Variants in TENM1 observed in about 807,000 individuals in gnomAD.
The protein encoded by TENM1 is teneurin-1.
A neutral mutation model predicts 174.8 loss-of-function variants in TENM1; 35 were observed. That is an observed-to-expected ratio of 0.20 (90% confidence interval 0.15 to 0.27). TENM1 has a LOEUF of 0.27. TENM1 is among the 10% of genes least tolerant of loss of function. The pLI, the probability that TENM1 is intolerant of heterozygous loss-of-function variation, is 1.00. For missense variants in TENM1, 1,633 were observed against 2,130.1 expected (o/e 0.77, Z 4.59); for synonymous variants, 781 against 798.7 (o/e 0.98, Z 0.37).
At chrX:124,652,707 C>T (rs1295558793) in intron 7 of TENM1, among the ~76,000 whole-genome samples, 3 of 111,582 alleles carry the variant, frequency 2.7e-5, no homozygotes, top group African/African-American at 9.8e-5. Context: ...AATTTGAGAA[C>T]ATTCATCATA....
intron 1 of TENM1, among the ~76,000 whole-genome samples, chrX:124,924,485 T>C (rs1183391380): frequency 9.0e-6 from 1 of 111,589 alleles, no homozygotes; most frequent in African/African-American, 3.3e-5. Context: ...CAAGGCTCTC[T>C]ACCACAGAGC....
the TENM1 span, among the ~76,000 whole-genome samples, chrX:125,157,692 TC>T: frequency 8.9e-6 from 1 of 112,143 alleles, no homozygotes; most frequent in Non-Finnish European, 1.9e-5. Context: ...TAGAATGCAT[TC>T]CTAAAGTGAA....
intron 3 of TENM1, among the ~76,000 whole-genome samples, chrX:124,782,012 C>T (rs193276222): frequency 1.8e-5 from 2 of 110,911 alleles, no homozygotes; most frequent in Non-Finnish European, 3.8e-5. Flanking sequence ...GTACCATTTC[C>T]AGGTCTGGTC....
chrX:125,075,300 T>C, the TENM1 span, among the ~76,000 whole-genome samples: 1 of 112,120 alleles, frequency 8.9e-6, no homozygotes, highest in East Asian at 2.8e-4. Flanking sequence ...TTCATCCATG[T>C]TGTAGCATGT....
At chrX:124,840,941 A>T (rs1434601241) in intron 3 of TENM1, among the ~76,000 whole-genome samples, 3 of 112,142 alleles carry the variant, frequency 2.7e-5, no homozygotes, top group African/African-American at 9.7e-5. Context: ...TTTCAGTTCA[A>T]TTTCTCTAGC....
chrX:124,383,424 TA>T (rs1486038021), intron 30 of TENM1, among the ~76,000 whole-genome samples: 1 of 111,881 alleles, frequency 8.9e-6, no homozygotes, highest in Non-Finnish European at 1.9e-5. Context: ...CAGAAACAGC[TA>T]AAAAATGTAG....
chrX:124,452,985 A>T (rs1030926974), intron 23 of TENM1, among the ~76,000 whole-genome samples: 7 of 110,940 alleles, frequency 6.3e-5, no homozygotes, highest in African/African-American at 2.0e-4. Context: ...CATTGTGCAC[A>T]TGTACCCTAG....
the TENM1 span, among the ~76,000 whole-genome samples, chrX:125,135,250 G>A: frequency 5.4e-5 from 6 of 111,886 alleles, no homozygotes; most frequent in African/African-American, 2.0e-4. Flanking sequence ...ACAATAAAAA[G>A]CAGATCACTC....
chrX:124,512,830 CA>C (rs1416594710), intron 18 of TENM1, among the ~76,000 whole-genome samples: 4 of 111,813 alleles, frequency 3.6e-5, no homozygotes, highest in African/African-American at 1.3e-4. Flanking sequence ...CCACAACTAT[CA>C]AACTAATTTA....
chrX:124,703,184 G>C (rs1337440408), intron 5 of TENM1, among the ~76,000 whole-genome samples: 1 of 111,562 alleles, frequency 9.0e-6, no homozygotes, highest in Non-Finnish European at 1.9e-5. Context: ...ATGGAGACCT[G>C]AAAAGGTTAA....
chrX:124,587,229 A>T (rs2032925144), intron 11 of TENM1, among the ~76,000 whole-genome samples: 1 of 110,798 alleles, frequency 9.0e-6, no homozygotes, highest in South Asian at 3.8e-4. Context: ...CCGCATTGCC[A>T]AGTCAATCCT....
In TENM1 at chrX:124,646,491, G is replaced by C. The variant is rs770377256; in HGVS notation, c.1681+218C>G. Among the ~76,000 whole-genome samples the C allele has an allele frequency of 3.6e-5, 4 of 112,030 alleles. No homozygotes were observed. In the Admixed American group the frequency reaches 3.8e-4, roughly 11 times the overall value. On this transcript the variant is annotated intron_variant, in intron 9 of 31. Transcript: ENST00000422452. ...GGATAATAGCAGACCTATCTCATAG[G>C]GCTATTGTAGGAAGTTGGAATTAAA...
At chrX:124,574,656 A>AT (rs1011025658) in intron 11 of TENM1, among the ~76,000 whole-genome samples, 8 of 104,208 alleles carry the variant, frequency 7.7e-5, no homozygotes, top group African/African-American at 2.1e-4. Context: ...CTTTACTGCA[A>AT]TTTTTGTTGG....
intron 5 of TENM1, among the ~76,000 whole-genome samples, chrX:124,680,044 C>A (rs73215133): frequency 9.0e-6 from 1 of 110,791 alleles, no homozygotes. Context: ...GAAAGAACTT[C>A]GCTAATTAAA....
intron 14 of TENM1, among the ~76,000 whole-genome samples, chrX:124,555,877 C>T (rs1183559992): frequency 2.7e-5 from 3 of 111,744 alleles, no homozygotes; most frequent in African/African-American, 9.8e-5. Flanking sequence ...GTAGCAGTTC[C>T]GACACCACAG....
intron 5 of TENM1, among the ~76,000 whole-genome samples, chrX:124,691,543 G>A (rs111503772): frequency 2.3e-3 from 252 of 111,856 alleles, no homozygotes; most frequent in Non-Finnish European, 3.7e-3. Context: ...GTGGGTGTAC[G>A]AAATGGCTCA....
At chrX:125,149,410 T>C in the TENM1 span, among the ~76,000 whole-genome samples, 3 of 112,150 alleles carry the variant, frequency 2.7e-5, no homozygotes, top group Admixed American at 2.8e-4. Context: ...ACCACAGTTA[T>C]TTGTGTCTTC....
chrX:125,075,123 T>C, the TENM1 span, among the ~76,000 whole-genome samples: 1 of 111,706 alleles, frequency 9.0e-6, no homozygotes, highest in Non-Finnish European at 1.9e-5. Flanking sequence ...CTGTGGCCAT[T>C]TGCAATCACT....
At chrX:125,115,002 G>C in the TENM1 span, among the ~76,000 whole-genome samples, 3 of 111,754 alleles carry the variant, frequency 2.7e-5, no homozygotes, top group African/African-American at 9.8e-5. Context: ...TAAAATACTG[G>C]CAAACTGAAT....
Sources: gnomAD v4.1 joint callset for allele counts (sites outside exome capture counted in the v4.1 genomes callset) on GRCh38, gnomAD v4.1.1 for gene constraint, MANE v1.5 for transcripts, NCBI Gene and HGNC (gene_info 2026-07-23, HGNC 2026-07-21) for gene names.